RBFOX1: variants seen among roughly 807,000 people sequenced by gnomAD.
RBFOX1 encodes the protein RNA binding fox-1 homolog 1.
A neutral mutation model predicts 57.7 loss-of-function variants in RBFOX1; 8 were observed. That is an observed-to-expected ratio of 0.14 (90% CI 0.08 to 0.25). RBFOX1 has a LOEUF of 0.25. RBFOX1 is among the 10% of genes least tolerant of loss of function. RBFOX1 has a pLI of 1.00. For missense variants in RBFOX1, 611 were observed against 548.5 expected (o/e 1.11, Z -1.14); for synonymous variants, 326 against 222.4 (o/e 1.47, Z -4.15).
chr16:6,486,655 T>C (rs1402263041), intron 2 of RBFOX1, among the ~76,000 whole-genome samples: 1 of 125,064 alleles, frequency 8.0e-6, no homozygotes, highest in Non-Finnish European at 1.9e-5. Flanking sequence ...CCCTTAATTT[T>C]ATTATTTTTT....
chr16:5,389,705 T>C (rs1227943942), intron 1 of RBFOX1, among the ~76,000 whole-genome samples: 6 of 151,994 alleles, frequency 3.9e-5, no homozygotes, highest in African/African-American at 1.4e-4. Flanking sequence ...TATGTTATTT[T>C]ATTTTATTTT....
chr16:7,035,823 G>A (rs900211679), intron 3 of RBFOX1, among the ~76,000 whole-genome samples: 7 of 152,088 alleles, frequency 4.6e-5, no homozygotes, highest in Non-Finnish European at 8.8e-5. Flanking sequence ...TTCATTTTGT[G>A]TGAAGCATAT....
Position 5,289,008 on chromosome 16 carries a change from C to T in RBFOX1, c.219+48903C>T, listed in dbSNP as rs189600367. On this transcript the variant is annotated intron_variant, in intron 1 of 2. Coordinates refer to the RBFOX1 transcript ENST00000585867. The stretch of plus-strand genomic sequence containing the variant: ...GGCATGGTGGCGCACGCCTGTAGTC[C>T]CACCTACTCGGGAGGCTGAGGCAGG... Among the ~76,000 whole-genome samples the T allele has an allele frequency of 8.8e-4, 134 of 152,220 alleles. 2 individuals carry two copies. In the East Asian group the frequency reaches 0.022, roughly 25 times the overall value.
At chr16:5,771,863 G>C (rs56295226) in intron 3 of RBFOX1, among the ~76,000 whole-genome samples, 4,321 of 152,258 alleles carry the variant, frequency 0.028, 202 homozygotes, top group African/African-American at 0.097. Context: ...AGTTCAATCA[G>C]TATGGTACCT....
chr16:5,763,877 T>A (rs1028954557), intron 3 of RBFOX1, among the ~76,000 whole-genome samples: 4 of 152,166 alleles, frequency 2.6e-5, no homozygotes, highest in African/African-American at 9.7e-5. Context: ...TTCTTTTGGG[T>A]TTCCCAGATC....
rs1644240423 is a variant in RBFOX1 at position 5,930,121 on chromosome 16, G to T, written c.351+62786G>T. Among the ~76,000 whole-genome samples, 4 of 151,564 alleles carry T rather than the reference G, an allele frequency of 2.6e-5. No individual in the cohort carries two copies. The South Asian group carries it at 8.3e-4, about 32-fold the overall frequency. On this transcript the variant is annotated intron_variant, in intron 4 of 19. Coordinates refer to the RBFOX1 transcript ENST00000641259. The stretch of plus-strand genomic sequence containing the variant: ...AAGTTGAATGGAAGGATGGGAGACA[G>T]GGTGCCTCCAGGGGCATCTGTGTTA...
chr16:5,668,760 CTGG>C (rs1219824416), intron 3 of RBFOX1, among the ~76,000 whole-genome samples: 3 of 152,154 alleles, frequency 2.0e-5, no homozygotes, highest in African/African-American at 7.2e-5. Context: ...TTTTAGGTGC[CTGG>C]TCTAACATAT....
At chr16:7,491,964 T>C (rs76013944) in intron 4 of RBFOX1, among the ~76,000 whole-genome samples, 1 of 152,212 alleles carries the variant, frequency 6.6e-6, no homozygotes, top group Non-Finnish European at 1.5e-5. Context: ...TTGATGATTA[T>C]AGTCTATGTT....
Position 6,019,917 on chromosome 16 carries a change from G to T in RBFOX1, c.-202G>T, listed in dbSNP as rs899106482. ...CCAGCTTATGGTGAGTGTGGCTGGG[G>T]GTGCAGAGAGCGCACGGGAATTCGG... On this transcript the variant is annotated 5_prime_UTR_variant, in exon 1 of 16. Transcript: ENST00000550418. The surrounding 1 kb of genome is among the most constrained non-coding windows in gnomAD (Gnocchi z 4.2). The T allele has an allele frequency of 3.6e-5, 55 of 1,534,870 alleles. No homozygotes were observed. The highest frequency in any genetic ancestry group is 4.7e-5 in the Non-Finnish European group (54 of 1,146,498).
rs181806648 is a variant in RBFOX1 at position 7,488,354 on chromosome 16, T to C, written c.28-29793T>C. ...TATTATAGCTAGATAGTTGGATAGA[T>C]ACACATTTAGATATACAACTATGTA... On this transcript the variant is annotated intron_variant, in intron 4 of 15. Coordinates refer to ENST00000550418, the MANE Select transcript of RBFOX1 (RefSeq NM_018723.4). 7.9e-5 allele frequency among the ~76,000 whole-genome samples: 12 copies of C among 152,330 alleles called. No homozygotes were observed. The East Asian group carries it at 1.4e-3, about 17-fold the overall frequency.
chr16:6,104,558 T>C (rs78349671), intron 1 of RBFOX1, among the ~76,000 whole-genome samples: 3,200 of 152,302 alleles, frequency 0.021, 102 homozygotes, highest in African/African-American at 0.069. Flanking sequence ...CAAGCCCATC[T>C]TGCAGTCAAT....
intron 4 of RBFOX1, among the ~76,000 whole-genome samples, chr16:7,106,641 G>T (rs913371425): frequency 1.3e-5 from 2 of 151,938 alleles, no homozygotes; most frequent in Non-Finnish European, 2.9e-5. Context: ...TTTATTTCTT[G>T]TGTAATGATT....
chr16:7,014,482 G>C (rs182633636), intron 3 of RBFOX1, among the ~76,000 whole-genome samples: 43 of 151,640 alleles, frequency 2.8e-4, no homozygotes, highest in Non-Finnish European at 4.9e-4. Flanking sequence ...CCTGACCTCA[G>C]GTGATCCACT....
chr16:6,396,566 C>A (rs142820559), intron 2 of RBFOX1, among the ~76,000 whole-genome samples: 8 of 152,256 alleles, frequency 5.3e-5, no homozygotes, highest in African/African-American at 1.9e-4. Context: ...ACTGAAAGAA[C>A]CGAGTGGATA....
chr16:6,767,532 C>T (rs2077510644), intron 3 of RBFOX1, among the ~76,000 whole-genome samples: 1 of 151,966 alleles, frequency 6.6e-6, no homozygotes, highest in Non-Finnish European at 1.5e-5. Context: ...AAAACCTCAC[C>T]CCCAAAAAAA....
rs539514188 is a variant in RBFOX1, at chr16:5,597,206, C to T, written c.259-1696C>T. On this transcript the variant is annotated intron_variant, in intron 2 of 2. Transcript: ENST00000585867. ...TATCTGTGTCTGTCTATATCTTTGT[C>T]TCTCTCTCTTTTTATACACCTCTCC... Among the ~76,000 whole-genome samples, 24 of 150,940 alleles carry T rather than the reference C, an allele frequency of 1.6e-4. 1 individual carries two copies. The highest frequency in any genetic ancestry group is 1.2e-3 in the Admixed American group (18 of 15,144).
chr16:6,951,797 A>C (rs1296001089), intron 3 of RBFOX1, among the ~76,000 whole-genome samples: 2 of 152,038 alleles, frequency 1.3e-5, no homozygotes, highest in Non-Finnish European at 1.5e-5. Context: ...GCAGTGGCAT[A>C]ATCCAGGCTC....
chr16:6,455,412 A>G (rs1159349582), intron 2 of RBFOX1, among the ~76,000 whole-genome samples: 3 of 152,072 alleles, frequency 2.0e-5, no homozygotes, highest in Non-Finnish European at 4.4e-5. Flanking sequence ...GAGAGAAGGC[A>G]TTTCCTCTAC....
rs564352354 is a variant in RBFOX1, at chr16:5,410,477, C to T, written c.220-56739C>T. On this transcript the variant is annotated intron_variant, in intron 1 of 2. Coordinates refer to the RBFOX1 transcript ENST00000585867. ...CAGAATGGTACAAATAAGACTATTT[C>T]AAGATTTCGTCTTGCTTCATTCTAA... is the stretch of plus-strand genomic sequence containing the variant. Among the ~76,000 whole-genome samples the T allele has an allele frequency of 1.5e-4, 23 of 152,256 alleles. 1 individual carries two copies. Among genetic ancestry groups the T allele is most frequent in the African/African-American group, 5.5e-4 (23 of 41,540 alleles).
Sources: gnomAD v4.1 joint callset for allele counts (sites outside exome capture counted in the v4.1 genomes callset) on GRCh38, gnomAD v4.1.1 for gene constraint, Gnocchi (gnomAD v3.1) non-coding constraint, MANE v1.5 for transcripts, NCBI Gene and HGNC (gene_info 2026-07-23, HGNC 2026-07-21) for gene names.